The following SMURF1 variants were observed in gnomAD, a reference collection of about 807,000 sequenced individuals.
SMURF1 encodes E3 ubiquitin-protein ligase SMURF1.
Under a neutral mutation model 98.0 loss-of-function variants are expected in SMURF1, and 44 were observed. The observed-to-expected ratio is 0.45, with a 90% CI of 0.35 to 0.58. SMURF1 has a LOEUF of 0.58. SMURF1 is among the 20% of genes least tolerant of loss of function. The pLI, the probability that SMURF1 is intolerant of heterozygous loss-of-function variation, is 0.00. For missense variants in SMURF1, 687 were observed against 938.4 expected (o/e 0.73, Z 3.50); for synonymous variants, 396 against 374.9 (o/e 1.06, Z -0.65).
At chr7:99,092,717 C>G (rs937422363) in intron 1 of SMURF1, among the ~76,000 whole-genome samples, 3 of 152,148 alleles carry the variant, frequency 2.0e-5, no homozygotes, top group African/African-American at 7.2e-5. Flanking sequence ...AAATTTTGTT[C>G]AGGCACGAGT....
intron 1 of SMURF1, among the ~76,000 whole-genome samples, chr7:99,137,957 C>G (rs1056035246): frequency 6.6e-6 from 1 of 152,202 alleles, no homozygotes; most frequent in Non-Finnish European, 1.5e-5. Flanking sequence ...TTAAACATAG[C>G]TCCATGGCTT....
At position 99,033,063 on chromosome 7, in the gene SMURF1, T is replaced by C. The variant is rs374358954; in HGVS notation, c.2070A>G (p.Thr690=). Residue 690 remains threonine, a synonymous_variant, in exon 17 of 18, where the codon ACA becomes ACG. Coordinates refer to ENST00000361368, the MANE Select transcript of SMURF1 (RefSeq NM_181349.3). ...LFTIHLIDAN[T]DNLPKAHTCF... is the part of the protein sequence containing the mutation. ...AGGTATGGGCCTTCGGAAGGTTGTC[T>C]GTGTTCGCGTCTATCAGGTGGATGG... 66 of 1,593,806 alleles carry C rather than the reference T, an allele frequency of 4.1e-5. No homozygotes were observed. Among genetic ancestry groups the C allele is most frequent in the Middle Eastern group, 1.7e-4 (1 of 5,884 alleles).
intron 1 of SMURF1, among the ~76,000 whole-genome samples, chr7:99,077,213 A>G (rs867406411): frequency 2.0e-5 from 3 of 151,958 alleles, no homozygotes; most frequent in Non-Finnish European, 2.9e-5. Context: ...GATATGAAAA[A>G]CATTTATGAG....
chr7:99,135,347 C>G (rs1489535115), intron 1 of SMURF1, among the ~76,000 whole-genome samples: 1 of 152,214 alleles, frequency 6.6e-6, no homozygotes, highest in Non-Finnish European at 1.5e-5. Context: ...CTCTCTCCCT[C>G]TCTCCTCTCT....
chr7:99,075,884 A>G (rs1687321348), intron 1 of SMURF1, among the ~76,000 whole-genome samples: 1 of 152,154 alleles, frequency 6.6e-6, no homozygotes, highest in South Asian at 2.1e-4. Context: ...ACATGGGTCT[A>G]TATTTGGACT....
intron 1 of SMURF1, among the ~76,000 whole-genome samples, chr7:99,083,124 G>C (rs1796605431): frequency 6.6e-6 from 1 of 152,126 alleles, no homozygotes; most frequent in African/African-American, 2.4e-5. Flanking sequence ...TAAAGAAAAT[G>C]TTCTATAATT....
chr7:99,040,443 C>T lies in SMURF1; in HGVS notation c.1485G>A (p.Lys495=). 1.3e-6 allele frequency: 2 copies of T among 1,594,776 alleles called. No individual in the cohort carries two copies. The highest frequency in any genetic ancestry group is 1.7e-6 in the Non-Finnish European group (2 of 1,170,376). Residue 495 remains lysine (K), a synonymous_variant, in exon 13 of 18, where the codon AAG becomes AAA. Coordinates refer to ENST00000361368, the MANE Select transcript of SMURF1 (RefSeq NM_181349.3). ...TVPFYKQLLG[K]PIQLSDLESV... ...ATTCCAGATCTGAGAGCTGGATGGG[C>T]TTCCCCAGCAGCTGCTTGTAGAAGG...
At chr7:99,141,947 C>A (rs1798127987) in intron 1 of SMURF1, among the ~76,000 whole-genome samples, 1 of 152,170 alleles carries the variant, frequency 6.6e-6, no homozygotes, top group South Asian at 2.1e-4. Flanking sequence ...TAGTTTCCTT[C>A]CAGAGCTGGA....
chr7:99,033,191 C>G, intron 16 of SMURF1, 70 bp from the exon 17 acceptor site: 1 of 1,480,226 alleles, frequency 6.8e-7, no homozygotes, highest in Non-Finnish European at 9.2e-7. Flanking sequence ...CACACAGCCC[C>G]CAGGAGCAGG....
intron 1 of SMURF1, among the ~76,000 whole-genome samples, chr7:99,071,133 C>G (rs1484602269): frequency 6.6e-6 from 1 of 150,870 alleles, no homozygotes; most frequent in African/African-American, 2.4e-5. Flanking sequence ...GATCTCAGCT[C>G]GTTGCAAACT....
At chr7:99,076,831 GCC>G (rs1796471258) in intron 1 of SMURF1, among the ~76,000 whole-genome samples, 1 of 124,134 alleles carries the variant, frequency 8.1e-6, no homozygotes, top group Non-Finnish European at 2.0e-5. Flanking sequence ...GTGCACGTGT[GCC>G]CATGTGTATG....
intron 12 of SMURF1, among the ~76,000 whole-genome samples, chr7:99,040,918 C>T (rs940099013): frequency 2.6e-5 from 4 of 152,070 alleles, no homozygotes; most frequent in Non-Finnish European, 4.4e-5. Flanking sequence ...ATGCTGGACG[C>T]GCACCCAGGA....
intron 1 of SMURF1, among the ~76,000 whole-genome samples, chr7:99,138,744 G>GA (rs1563046739): frequency 3.0e-4 from 45 of 152,236 alleles, no homozygotes; most frequent in African/African-American, 1.1e-3. Flanking sequence ...AAATGGATTT[G>GA]AAAAAAGAAA....
chr7:99,079,003 A>C (rs1796523974), intron 1 of SMURF1, among the ~76,000 whole-genome samples: 2 of 152,202 alleles, frequency 1.3e-5, no homozygotes, highest in African/African-American at 4.8e-5. Context: ...TCACTGCCCT[A>C]AAAGATGGAA....
intron 1 of SMURF1, among the ~76,000 whole-genome samples, chr7:99,073,467 A>T (rs555638008): frequency 7.5e-4 from 38 of 50,460 alleles, no homozygotes; most frequent in Middle Eastern, 0.012. Context: ...TTTAAAACTT[A>T]AAAAAAAAAA....
At chr7:99,060,796 G>A (rs1563011517) in intron 2 of SMURF1, 89 bp from the exon 3 acceptor site, 3 of 849,600 alleles carry the variant, frequency 3.5e-6, no homozygotes, top group South Asian at 2.0e-5. Flanking sequence ...CTAATTTCAG[G>A]ATAATTTCAA....
At chr7:99,047,034 A>G (rs1022560523) in intron 10 of SMURF1, among the ~76,000 whole-genome samples, 1 of 152,188 alleles carries the variant, frequency 6.6e-6, no homozygotes, top group Non-Finnish European at 1.5e-5. Flanking sequence ...TCCACAAAGG[A>G]GGGCAGGAAA....
chr7:99,036,349 G>A (rs1795140681), intron 15 of SMURF1: 1 of 156,604 alleles, frequency 6.4e-6, no homozygotes, highest in African/African-American at 2.4e-5. Flanking sequence ...ATGATGACGT[G>A]CACCTGTAGC....
chr7:99,127,933 A>T (rs1296788899), intron 1 of SMURF1, among the ~76,000 whole-genome samples: 1 of 152,166 alleles, frequency 6.6e-6, no homozygotes, highest in Non-Finnish European at 1.5e-5. Context: ...TAAATCGATA[A>T]ACTGTCTCCT....
Sources: allele counts gnomAD v4.1 joint callset (sites outside exome capture counted in the v4.1 genomes callset), GRCh38; gene constraint gnomAD v4.1.1; transcripts MANE v1.5; gene names NCBI Gene and HGNC (gene_info 2026-07-23, HGNC 2026-07-21).